The following ETV6 variants were observed in gnomAD, a reference collection of about 807,000 sequenced individuals.
The protein encoded by ETV6 is ETS variant transcription factor 6.
Under a neutral mutation model 51.1 loss-of-function variants are expected in ETV6, and 16 were observed. That is an observed-to-expected ratio of 0.31 (90% CI 0.21 to 0.48). The LOEUF (loss-of-function observed/expected upper bound fraction) is 0.48. Among genes scored for constraint, ETV6 ranks in the 20% least tolerant of loss-of-function variants. The pLI, the probability that ETV6 is intolerant of heterozygous loss-of-function variation, is 0.99. For missense variants in ETV6, 458 were observed against 594.8 expected (o/e 0.77, Z 2.39); for synonymous variants, 240 against 224.1 (o/e 1.07, Z -0.64).
intron 1 of ETV6, among the ~76,000 whole-genome samples, chr12:11,653,853 G>T (rs187725967): frequency 6.6e-6 from 1 of 151,820 alleles, no homozygotes; most frequent in Non-Finnish European, 1.5e-5. Flanking sequence ...TCGCTCTGTC[G>T]CCAGACTGGA....
intron 1 of ETV6, among the ~76,000 whole-genome samples, chr12:11,746,348 G>A (rs1204646485): frequency 6.6e-6 from 1 of 152,178 alleles, no homozygotes. Context: ...CTGGAACTGC[G>A]GTTTTCAAGT....
chr12:11,767,945 C>T (rs559440655), intron 2 of ETV6, among the ~76,000 whole-genome samples: 3 of 152,212 alleles, frequency 2.0e-5, no homozygotes, highest in South Asian at 2.1e-4. Context: ...ATGGGTTGAA[C>T]GTGAGTTTGC....
At chr12:11,801,086 T>G (rs1051457651) in intron 2 of ETV6, among the ~76,000 whole-genome samples, 1 of 152,160 alleles carries the variant, frequency 6.6e-6, no homozygotes, top group African/African-American at 2.4e-5. Context: ...CATCGAAAAT[T>G]TGTCCTCACT....
intron 2 of ETV6, among the ~76,000 whole-genome samples, chr12:11,757,172 A>C (rs1165380512): frequency 6.6e-6 from 1 of 152,128 alleles, no homozygotes; most frequent in Non-Finnish European, 1.5e-5. Context: ...TTCCTTGTGA[A>C]TCTTTCAAAA....
intron 2 of ETV6, among the ~76,000 whole-genome samples, chr12:11,801,601 T>C (rs536635753): frequency 2.0e-5 from 3 of 152,294 alleles, no homozygotes; most frequent in African/African-American, 7.2e-5. Flanking sequence ...GTTAAGCTAG[T>C]GGTATCTTGT....
intron 2 of ETV6, among the ~76,000 whole-genome samples, chr12:11,820,899 C>T (rs971818517): frequency 3.9e-5 from 6 of 152,108 alleles, no homozygotes; most frequent in Non-Finnish European, 8.8e-5. Context: ...AGGGAAGGAA[C>T]AGTGGAAGCT....
At chr12:11,672,403 G>A (rs997092690) in intron 1 of ETV6, among the ~76,000 whole-genome samples, 39 of 152,270 alleles carry the variant, frequency 2.6e-4, no homozygotes, top group Admixed American at 1.6e-3. Flanking sequence ...GAAACAGAGA[G>A]ACAAGCTGGC....
intron 1 of ETV6, among the ~76,000 whole-genome samples, chr12:11,717,530 A>G (rs79887912): frequency 0.031 from 4,650 of 152,298 alleles, 112 homozygotes; most frequent in East Asian, 0.082. Flanking sequence ...TGGGGCATGT[A>G]TACATGTGTG....
chr12:11,879,971 C>T (rs1454530566), intron 5 of ETV6, among the ~76,000 whole-genome samples: 2 of 144,620 alleles, frequency 1.4e-5, no homozygotes, highest in African/African-American at 5.1e-5. Context: ...GAGGATCTGC[C>T]TTTTATTTAA....
intron 5 of ETV6, among the ~76,000 whole-genome samples, chr12:11,872,923 C>T (rs752870319): frequency 1.6e-4 from 25 of 152,002 alleles, no homozygotes; most frequent in Non-Finnish European, 1.3e-4. Flanking sequence ...TATGGGTGCC[C>T]GCTCTCTCAA....
At position 11,820,026 on chromosome 12, in the gene ETV6, C is replaced by T. The variant is rs540745697; in HGVS notation, c.164-19114C>T. ...AATAATAGCTAACACTTATGAAGTT[C>T]GCAATCCATACCCCACACTGTTCTA... is the stretch of plus-strand genomic sequence containing the variant. On this transcript the variant is annotated intron_variant, in intron 2 of 7. Coordinates refer to ENST00000396373, the MANE Select transcript of ETV6 (RefSeq NM_001987.5). Among the ~76,000 whole-genome samples the T allele has an allele frequency of 2.6e-5, 4 of 152,340 alleles. No individual in the cohort carries two copies. The South Asian group carries it at 6.2e-4, about 24-fold the overall frequency.
intron 5 of ETV6, among the ~76,000 whole-genome samples, chr12:11,883,549 C>G (rs1468359695): frequency 6.6e-6 from 1 of 152,016 alleles, no homozygotes; most frequent in Non-Finnish European, 1.5e-5. Flanking sequence ...CCTGCCTCAG[C>G]TTCCCAAAGT....
intron 2 of ETV6, among the ~76,000 whole-genome samples, chr12:11,838,778 C>G (rs1011147032): frequency 6.6e-6 from 1 of 152,242 alleles, no homozygotes; most frequent in African/African-American, 2.4e-5. Flanking sequence ...CACCCTGGAA[C>G]AGCCCCTGGA....
chr12:11,832,610 G>A (rs1946260952), intron 2 of ETV6, among the ~76,000 whole-genome samples: 1 of 152,204 alleles, frequency 6.6e-6, no homozygotes, highest in Non-Finnish European at 1.5e-5. Context: ...AAACATACAT[G>A]TTACGAGTGG....
intron 2 of ETV6, among the ~76,000 whole-genome samples, chr12:11,772,299 G>T (rs997942630): frequency 1.2e-4 from 18 of 152,170 alleles, no homozygotes; most frequent in South Asian, 2.1e-4. Context: ...TAAACCACAA[G>T]AGAATGTTTT....
intron 2 of ETV6, among the ~76,000 whole-genome samples, chr12:11,834,379 A>G (rs1182665383): frequency 6.6e-6 from 1 of 152,208 alleles, no homozygotes; most frequent in Non-Finnish European, 1.5e-5. Context: ...ATTCCTGTTT[A>G]TACAGAAAGT....
chr12:11,808,806 A>G (rs1335062177), intron 2 of ETV6, among the ~76,000 whole-genome samples: 1 of 152,120 alleles, frequency 6.6e-6, no homozygotes, highest in Non-Finnish European at 1.5e-5. Flanking sequence ...GAGTGCTTGG[A>G]AGAGAAAGGA....
chr12:11,669,794 T>G (rs543129202), intron 1 of ETV6, among the ~76,000 whole-genome samples: 1 of 152,328 alleles, frequency 6.6e-6, no homozygotes, highest in African/African-American at 2.4e-5. Context: ...TTATCATATA[T>G]TCATTCGTAT....
At chr12:11,864,712 G>A (rs1295478665) in intron 4 of ETV6, among the ~76,000 whole-genome samples, 1 of 151,794 alleles carries the variant, frequency 6.6e-6, no homozygotes, top group African/African-American at 2.4e-5. Context: ...GTTAGTGCTT[G>A]TCTTTCCAAC....
Sources: allele counts gnomAD v4.1 joint callset (sites outside exome capture counted in the v4.1 genomes callset), GRCh38; gene constraint gnomAD v4.1.1; transcripts MANE v1.5; gene names NCBI Gene and HGNC (gene_info 2026-07-23, HGNC 2026-07-21).